TENM4: variants seen among roughly 807,000 people sequenced by gnomAD.
TENM4 encodes the protein teneurin transmembrane protein 4, also known as teneurin-4.
In TENM4, 82 loss-of-function variants were observed where a neutral mutation model predicts 243.3. That is an observed-to-expected ratio of 0.34 (90% CI 0.28 to 0.40). TENM4 has a LOEUF of 0.40. TENM4 is among the 10% of genes least tolerant of loss of function. The pLI, the probability that TENM4 is intolerant of heterozygous loss-of-function variation, is 1.00. For missense variants in TENM4, 3,138 were observed against 3,673.3 expected (o/e 0.85, Z 3.77); for synonymous variants, 1,412 against 1,456.3 (o/e 0.97, Z 0.69).
At chr11:79,189,695 C>T (rs1863442486) in intron 3 of TENM4, among the ~76,000 whole-genome samples, 1 of 152,182 alleles carries the variant, frequency 6.6e-6, no homozygotes, top group Non-Finnish European at 1.5e-5. Context: ...GTAGGGCCTC[C>T]ATAAGTATTT....
intron 6 of TENM4, among the ~76,000 whole-genome samples, chr11:78,935,028 G>C (rs578199079): frequency 1.1e-5 from 1 of 94,384 alleles, no homozygotes; most frequent in South Asian, 3.9e-4. Flanking sequence ...TTTTTGAGAC[G>C]GAGTCTCGCT....
rs189685428 is a variant in TENM4, at chr11:78,959,260, C to T, written c.494-55737G>A. Among the ~76,000 whole-genome samples the T allele has an allele frequency of 4.6e-5, 7 of 152,228 alleles. No individual in the cohort carries two copies. The East Asian group carries it at 1.2e-3, about 25-fold the overall frequency. On this transcript the variant is annotated intron_variant, in intron 6 of 33. Transcript: ENST00000278550. The stretch of plus-strand genomic sequence containing the variant: ...TAAGAGAACTTAACATTTTACCTTT[C>T]CATATTATTTGAATGTTAACAAGCA...
At chr11:79,277,460 C>A (rs472167) in intron 2 of TENM4, among the ~76,000 whole-genome samples, 98 of 152,102 alleles carry the variant, frequency 6.4e-4, no homozygotes, top group African/African-American at 2.2e-3. Flanking sequence ...AAGTAACTTG[C>A]CCCCTGACAA....
intron 4 of TENM4, among the ~76,000 whole-genome samples, chr11:79,135,754 T>TATG (rs551107330): frequency 0.013 from 1,678 of 130,594 alleles, 45 homozygotes; most frequent in East Asian, 0.078. Context: ...TATATACATA[T>TATG]ATGTATATAT....
At chr11:78,698,404 A>AAACCAACCAACCAAAC (rs1555066517) in intron 28 of TENM4, among the ~76,000 whole-genome samples, 1 of 151,760 alleles carries the variant, frequency 6.6e-6, no homozygotes. Context: ...AAACCGAACC[A>AAACCAACCAACCAAAC]AACCAACCAA....
At chr11:79,074,156 C>T (rs750607279) in intron 4 of TENM4, among the ~76,000 whole-genome samples, 9 of 152,056 alleles carry the variant, frequency 5.9e-5, no homozygotes, top group African/African-American at 1.9e-4. Flanking sequence ...ATTTTTTTTT[C>T]ACATTTTAGG....
At chr11:78,912,223 A>T (rs1856204350) in intron 6 of TENM4, among the ~76,000 whole-genome samples, 1 of 152,196 alleles carries the variant, frequency 6.6e-6, no homozygotes, top group Non-Finnish European at 1.5e-5. Flanking sequence ...GCCTGGAGCC[A>T]GAGGGAGTTT....
Position 79,168,116 on chromosome 11 carries a change from C to G in TENM4, c.-162-19310G>C, listed in dbSNP as rs189780784. Among the ~76,000 whole-genome samples, 109 of 152,294 alleles carry G rather than the reference C, an allele frequency of 7.2e-4. 1 individual carries two copies. The highest frequency in any genetic ancestry group is 2.5e-3 in the African/African-American group (105 of 41,570). On this transcript the variant is annotated intron_variant, in intron 3 of 33. Coordinates refer to ENST00000278550, the MANE Select transcript of TENM4 (RefSeq NM_001098816.3). Reference sequence around the variant, plus strand: ...TGCTGAAGTCTGCTGCTGGCAGGAGCCTGAGATGGGCTCTGGGTCTGAGTA... The same window carrying G: ...TGCTGAAGTCTGCTGCTGGCAGGAGGCTGAGATGGGCTCTGGGTCTGAGTA...
At chr11:78,844,214 C>A (rs535777459) in intron 12 of TENM4, among the ~76,000 whole-genome samples, 4 of 152,170 alleles carry the variant, frequency 2.6e-5, no homozygotes, top group Admixed American at 2.6e-4. Context: ...TTAACTGTGT[C>A]CCCTACCAAA....
chr11:79,291,780 G>T (rs1309555467), intron 2 of TENM4, among the ~76,000 whole-genome samples: 1 of 152,198 alleles, frequency 6.6e-6, no homozygotes, highest in Non-Finnish European at 1.5e-5. Flanking sequence ...GCTCTGACAG[G>T]TCATCATGCT....
chr11:78,984,384 C>T (rs1857872412), intron 6 of TENM4, among the ~76,000 whole-genome samples: 1 of 152,194 alleles, frequency 6.6e-6, no homozygotes, highest in Non-Finnish European at 1.5e-5. Flanking sequence ...GTTTTGGTGA[C>T]ATAGTTTCCC....
intron 1 of TENM4, among the ~76,000 whole-genome samples, chr11:79,429,433 TG>T (rs1859122147): frequency 6.6e-6 from 1 of 151,800 alleles, no homozygotes; most frequent in African/African-American, 2.4e-5. Flanking sequence ...GGGGAGATAG[TG>T]GGGAAAAGAG....
chr11:79,352,624 C>A (rs1009670778), intron 1 of TENM4, among the ~76,000 whole-genome samples: 2 of 152,204 alleles, frequency 1.3e-5, no homozygotes, highest in South Asian at 2.1e-4. Flanking sequence ...AACAGACAGG[C>A]CTGGGCAGGC....
In TENM4 at chr11:79,438,152, C is replaced by G. The variant is rs1344719263; in HGVS notation, c.-321+2357G>C. Among the ~76,000 whole-genome samples, 4 of 152,168 alleles carry G rather than the reference C, an allele frequency of 2.6e-5. No homozygotes were observed. The highest frequency in any genetic ancestry group is 5.9e-5 in the Non-Finnish European group (4 of 68,038). ...ACCCATGCACATCACCATCTCCTGACTGCGGGCTGGGGGGAAGGGAGTTCA... is the reference window on the plus strand; with the variant it reads ...ACCCATGCACATCACCATCTCCTGAGTGCGGGCTGGGGGGAAGGGAGTTCA... On this transcript the variant is annotated intron_variant, in intron 1 of 33. Transcript: ENST00000278550. This position sits in a 1 kb window ranked among gnomAD's most constrained non-coding sequence, Gnocchi z 4.1.
rs758727335 is a variant in TENM4 at position 78,672,311 on chromosome 11, G to A, written c.5515C>T (p.Leu1839=). 2 of 1,608,858 alleles carry A rather than the reference G, an allele frequency of 1.2e-6. No homozygotes were observed. The highest frequency in any genetic ancestry group is 1.1e-5 in the South Asian group (1 of 90,976). Residue 1839 remains leucine (L), a synonymous_variant, in exon 31 of 34, where the codon CTA becomes TTA. Transcript: ENST00000278550. ...RRLRVHNRNL[L]SLDFDRVTRT... ...GTTACGCGATCAAAGTCCAGAGATAGGAGATTTCGGTTGTGAACCTGGAGA... is the reference window on the plus strand; with the variant it reads ...GTTACGCGATCAAAGTCCAGAGATAAGAGATTTCGGTTGTGAACCTGGAGA...
chr11:78,881,397 G>A (rs1309436431), intron 9 of TENM4, among the ~76,000 whole-genome samples: 1 of 152,200 alleles, frequency 6.6e-6, no homozygotes, highest in Non-Finnish European at 1.5e-5. Context: ...TGGGAAGAGA[G>A]TGAGGTGGAG....
At chr11:79,146,437 G>T (rs1862396428) in intron 4 of TENM4, among the ~76,000 whole-genome samples, 1 of 152,072 alleles carries the variant, frequency 6.6e-6, no homozygotes, top group Non-Finnish European at 1.5e-5. Flanking sequence ...GGCCCAGACT[G>T]AGGGAAGAGA....
chr11:78,915,294 A>G (rs80216657), intron 6 of TENM4, among the ~76,000 whole-genome samples: 2,510 of 152,242 alleles, frequency 0.016, 69 homozygotes, highest in African/African-American at 0.057. Flanking sequence ...TGGGCTCTCT[A>G]GCCTCCATGG....
chr11:79,075,015 G>C (rs1860504202), intron 4 of TENM4, among the ~76,000 whole-genome samples: 1 of 152,196 alleles, frequency 6.6e-6, no homozygotes, highest in Non-Finnish European at 1.5e-5. Flanking sequence ...AGAGTGAACT[G>C]TTTCCTGTTA....
Sources: gnomAD v4.1 joint callset for allele counts (sites outside exome capture counted in the v4.1 genomes callset) on GRCh38, gnomAD v4.1.1 for gene constraint, Gnocchi (gnomAD v3.1) non-coding constraint, MANE v1.5 for transcripts, NCBI Gene and HGNC (gene_info 2026-07-23, HGNC 2026-07-21) for gene names.